The following SENP7 variants were observed in gnomAD, a reference collection of about 807,000 sequenced individuals.
The protein encoded by SENP7 is sentrin-specific protease 7.
In SENP7, 64 loss-of-function variants were observed where a neutral mutation model predicts 141.2. The observed-to-expected ratio is 0.45, with a 90% CI of 0.37 to 0.56. The LOEUF (loss-of-function observed/expected upper bound fraction) is 0.56. Ranked by LOEUF, SENP7 falls within the 20% of genes least tolerant of loss-of-function variation. The pLI, the probability that SENP7 is intolerant of heterozygous loss-of-function variation, is 0.00. For synonymous variants in SENP7, 382 were observed against 426.4 expected (o/e 0.90, Z 1.28); for missense variants, 1,025 against 1,212.2 (o/e 0.85, Z 2.29).
chr3:101,505,090 A>G (rs79320810), intron 1 of SENP7, among the ~76,000 whole-genome samples: 1 of 152,204 alleles, frequency 6.6e-6, no homozygotes, highest in Admixed American at 6.5e-5. Context: ...AGAAAAAAAA[A>G]GAACTCAGAA....
intron 2 of SENP7, among the ~76,000 whole-genome samples, chr3:101,494,666 G>A (rs924680095): frequency 9.9e-5 from 15 of 152,074 alleles, no homozygotes; most frequent in African/African-American, 3.6e-4. Flanking sequence ...TCTGATCTTC[G>A]ACAAACCTGA....
chr3:101,388,351 C>G (rs961138609), intron 6 of SENP7, among the ~76,000 whole-genome samples: 3 of 152,184 alleles, frequency 2.0e-5, no homozygotes, highest in Admixed American at 6.5e-5. Context: ...CAACAAAAAC[C>G]TAAGCCACTG....
intron 7 of SENP7, among the ~76,000 whole-genome samples, chr3:101,369,961 G>A (rs1257135735): frequency 6.6e-6 from 1 of 151,996 alleles, no homozygotes; most frequent in Non-Finnish European, 1.5e-5. Context: ...AATTCCACAA[G>A]GCAAACTTAA....
chr3:101,415,791 C>T (rs1490959626), intron 5 of SENP7, among the ~76,000 whole-genome samples: 1 of 152,122 alleles, frequency 6.6e-6, no homozygotes, highest in Non-Finnish European at 1.5e-5. Context: ...AGCATGGCAC[C>T]TTATTGTTTT....
At position 101,325,911 on chromosome 3, in the gene SENP7, G is replaced by A. The variant is rs1350415436; in HGVS notation, c.*32C>T. On this transcript the variant is annotated 3_prime_UTR_variant, in exon 24 of 24. Coordinates refer to ENST00000394095, the MANE Select transcript of SENP7 (RefSeq NM_020654.5). ...GGTAAGAGGCTTTCCAGTAATCTTA[G>A]AGAACATCTGTGTCATGTTTGTACA... 2 of 1,545,806 alleles carry A rather than the reference G, an allele frequency of 1.3e-6. No individual in the cohort carries two copies. Among genetic ancestry groups the A allele is most frequent in the Admixed American group, 4.1e-5 (2 of 49,120 alleles).
At chr3:101,329,459 A>G (rs2058987984) in intron 20 of SENP7, among the ~76,000 whole-genome samples, 1 of 152,180 alleles carries the variant, frequency 6.6e-6, no homozygotes, top group Non-Finnish European at 1.5e-5. Context: ...GGCCTGTGCC[A>G]GGGAGTCTGC....
chr3:101,388,160 A>G (rs2060712586), intron 6 of SENP7, among the ~76,000 whole-genome samples: 1 of 152,168 alleles, frequency 6.6e-6, no homozygotes, highest in Non-Finnish European at 1.5e-5. Context: ...ATGACACCTG[A>G]GCAAGCCCAC....
intron 15 of SENP7, among the ~76,000 whole-genome samples, chr3:101,341,366 A>C (rs1198474577): frequency 6.6e-6 from 1 of 152,244 alleles, no homozygotes; most frequent in Admixed American, 6.5e-5. Context: ...AAAATCATAC[A>C]TTGCTACTCA....
At chr3:101,472,508 G>A (rs775277681) in intron 3 of SENP7, among the ~76,000 whole-genome samples, 2 of 152,116 alleles carry the variant, frequency 1.3e-5, no homozygotes, top group African/African-American at 4.8e-5. Flanking sequence ...TCGCGGGGTG[G>A]GGAGCTGGGG....
intron 4 of SENP7, among the ~76,000 whole-genome samples, chr3:101,450,288 A>T (rs1023632312): frequency 1.3e-5 from 2 of 152,190 alleles, no homozygotes; most frequent in African/African-American, 4.8e-5. Flanking sequence ...CCCACTGTCA[A>T]CATTAGACAG....
intron 14 of SENP7, among the ~76,000 whole-genome samples, chr3:101,343,359 T>G (rs1325342038): frequency 6.6e-6 from 1 of 152,220 alleles, no homozygotes; most frequent in Non-Finnish European, 1.5e-5. Flanking sequence ...GGTTTTGTAT[T>G]TCTCTTATTC....
At chr3:101,377,913 C>T (rs376693099) in intron 6 of SENP7, among the ~76,000 whole-genome samples, 5 of 152,174 alleles carry the variant, frequency 3.3e-5, no homozygotes, top group Admixed American at 6.5e-5. Flanking sequence ...GGCTCATTAA[C>T]GCCTGAGGTT....
At chr3:101,502,164 T>C (rs2065407571) in intron 1 of SENP7, among the ~76,000 whole-genome samples, 1 of 152,238 alleles carries the variant, frequency 6.6e-6, no homozygotes, top group Admixed American at 6.5e-5. Flanking sequence ...GATCCTACTG[T>C]AGCTCATGAG....
In SENP7 at chr3:101,328,995, C is replaced by T. The variant is rs542535876; in HGVS notation, c.2752-306G>A. ...AGCAAAGATAAACAAGTTAATTTAA[C>T]GTGTCTTTACATACATTCTCCAATT... On this transcript the variant is annotated intron_variant, in intron 20 of 23. Transcript: ENST00000394095. 4.6e-5 allele frequency among the ~76,000 whole-genome samples: 7 copies of T among 152,224 alleles called. No homozygotes were observed. The East Asian group carries it at 5.8e-4, about 13-fold the overall frequency.
chr3:101,427,870 T>C (rs2107699307), intron 4 of SENP7, among the ~76,000 whole-genome samples: 1 of 151,982 alleles, frequency 6.6e-6, no homozygotes, highest in South Asian at 2.1e-4. Flanking sequence ...CAACAGGCCC[T>C]GGTGTGTGAT....
chr3:101,374,404 C>G (rs920438127), intron 6 of SENP7, among the ~76,000 whole-genome samples: 7 of 152,100 alleles, frequency 4.6e-5, no homozygotes, highest in African/African-American at 1.7e-4. Flanking sequence ...GCAGTGATTT[C>G]TTTGATATAA....
rs1491404389 is a variant in SENP7 at position 101,335,512 on chromosome 3, CAT to C, written c.2480+1995_2480+1996del. Among the ~76,000 whole-genome samples the C allele has an allele frequency of 4.5e-3, 683 of 152,048 alleles. 2 individuals are homozygous for C. The highest frequency in any genetic ancestry group is 0.019 in the South Asian group (92 of 4,816). ...ATTCACACATTCATGTGCATGTGTA[CAT>C]GTGTGTGTGTGTGTAGTATCTTATG... On this transcript the variant is annotated intron_variant, in intron 17 of 23. Coordinates refer to ENST00000394095, the MANE Select transcript of SENP7 (RefSeq NM_020654.5).
intron 4 of SENP7, chr3:101,457,424 C>A: frequency 6.4e-7 from 1 of 1,558,908 alleles, no homozygotes; most frequent in Admixed American, 1.7e-5. Flanking sequence ...TGTTGGGTAG[C>A]ATTTCTGTCA....
intron 17 of SENP7, chr3:101,333,211 A>G (rs1262281819): frequency 9.4e-6 from 2 of 212,016 alleles, no homozygotes. Flanking sequence ...AAACCTTAAC[A>G]GAATTCTCCA....
Sources: gnomAD v4.1 joint callset for allele counts (sites outside exome capture counted in the v4.1 genomes callset) on GRCh38, gnomAD v4.1.1 for gene constraint, MANE v1.5 for transcripts, NCBI Gene and HGNC (gene_info 2026-07-23, HGNC 2026-07-21) for gene names.